RAVER2: variants seen among roughly 807,000 people sequenced by gnomAD.
The protein encoded by RAVER2 is ribonucleoprotein PTB-binding 2.
In RAVER2, 46 loss-of-function variants were observed where a neutral mutation model predicts 78.1. That is an observed-to-expected ratio of 0.59 (90% CI 0.46 to 0.75). The LOEUF is 0.75. RAVER2 is among the 30% of genes least tolerant of loss of function. The pLI is 0.00. For missense variants in RAVER2, 793 were observed against 837.5 expected (o/e 0.95, Z 0.66); for synonymous variants, 311 against 313.3 (o/e 0.99, Z 0.08).
At chr1:64,781,814 T>G (rs1035943514) in intron 4 of RAVER2, among the ~76,000 whole-genome samples, 14 of 152,182 alleles carry the variant, frequency 9.2e-5, no homozygotes, top group Non-Finnish European at 1.5e-5. Context: ...CTTGAGAAAT[T>G]TTTGAAGGAA....
chr1:64,789,418 G>A (rs774421284), exon 5 of RAVER2: 1 of 1,609,128 alleles, frequency 6.2e-7, no homozygotes, highest in South Asian at 1.1e-5. Context: ...CTTACTTCCA[G>A]AGCCAAATCC....
intron 4 of RAVER2, among the ~76,000 whole-genome samples, chr1:64,782,068 T>G (rs1388099013): frequency 1.3e-5 from 2 of 152,170 alleles, no homozygotes; most frequent in Admixed American, 1.3e-4. Context: ...CATGCCTGGC[T>G]AATTGTTGTA....
At chr1:64,745,087 C>T (rs549355701), upstream of RAVER2, 2,336 of 997,782 alleles carry the variant, frequency 2.3e-3, 51 homozygotes, top group African/African-American at 0.038. The surrounding 1 kb of genome is among the most constrained non-coding windows in gnomAD (Gnocchi z 4.3). Context: ...CTGCCCGCCT[C>T]GCCCTCGCCC....
intron 5 of RAVER2, among the ~76,000 whole-genome samples, chr1:64,793,260 T>C (rs1232236551): frequency 6.6e-6 from 1 of 152,168 alleles, no homozygotes; most frequent in African/African-American, 2.4e-5. Context: ...TTTATCATTG[T>C]GTAATTTTAA....
At chr1:64,811,516 A>G (rs1653605810) in intron 9 of RAVER2, among the ~76,000 whole-genome samples, 1 of 152,228 alleles carries the variant, frequency 6.6e-6, no homozygotes, top group African/African-American at 2.4e-5. Flanking sequence ...TGTGTACCAC[A>G]GATTGAGGTT....
At chr1:64,829,948 A>G (rs1304542931) in intron 11 of RAVER2, among the ~76,000 whole-genome samples, 1 of 152,148 alleles carries the variant, frequency 6.6e-6, no homozygotes, top group Non-Finnish European at 1.5e-5. Context: ...AGAGAGACCT[A>G]TCATCTGTTC....
At chr1:64,830,817 C>A in intron 11 of RAVER2, 22 bp from the exon 12 acceptor site, 1 of 1,556,586 alleles carries the variant, frequency 6.4e-7, no homozygotes, top group South Asian at 1.2e-5. Flanking sequence ...TTAAAACTAG[C>A]TGCAATTTTA....
chr1:64,817,037 G>A (rs978082180), intron 11 of RAVER2, among the ~76,000 whole-genome samples: 1 of 152,106 alleles, frequency 6.6e-6, no homozygotes, highest in Non-Finnish European at 1.5e-5. Context: ...AATCTACAAA[G>A]AACTCAAACA....
intron 5 of RAVER2, among the ~76,000 whole-genome samples, chr1:64,795,436 A>T (rs562405373): frequency 2.9e-4 from 44 of 152,136 alleles, no homozygotes; most frequent in Non-Finnish European, 5.9e-4. Flanking sequence ...CTTCTGATCC[A>T]TAAGTATGGT....
At position 64,803,196 on chromosome 1, in the gene RAVER2, T is replaced by C. The variant is rs566945186; in HGVS notation, c.1191+135T>C. The C allele has an allele frequency of 4.2e-5, 25 of 599,804 alleles. 1 individual carries two copies. The South Asian group carries it at 6.9e-4, about 17-fold the overall frequency. The allele number at this position is 599,804 out of a possible 1,614,324, so 37.2% of individuals were successfully genotyped here. On this transcript the variant is annotated intron_variant, in intron 6 of 11. Transcript: ENST00000294428. ...GAAAATCTTTAATAATAAGTATAGG[T>C]ATGTAAAATCATAACTTATTGAGTA...
At chr1:64,810,780 T>G (rs1653581867) in intron 9 of RAVER2, among the ~76,000 whole-genome samples, 1 of 152,200 alleles carries the variant, frequency 6.6e-6, no homozygotes, top group African/African-American at 2.4e-5. Context: ...TCATTTTTGT[T>G]GTCATTGCTC....
At chr1:64,832,428 T>G (rs1193871350) in exon 12 of RAVER2, 2 of 152,666 alleles carry the variant, frequency 1.3e-5, no homozygotes, top group African/African-American at 2.4e-5. Flanking sequence ...TGGTATTAAA[T>G]GCATGAGAAA....
chr1:64,784,213 G>T (rs1652715357), intron 4 of RAVER2, among the ~76,000 whole-genome samples: 1 of 152,092 alleles, frequency 6.6e-6, no homozygotes, highest in Non-Finnish European at 1.5e-5. Flanking sequence ...GTGAAGCCCT[G>T]TCTCTACAAA....
chr1:64,830,885 C>G (rs979927562), exon 12 of RAVER2: 11 of 1,612,644 alleles, frequency 6.8e-6, no homozygotes, highest in Non-Finnish European at 8.5e-6. Context: ...TATCTCATCT[C>G]TGCCCCAGAA....
intron 11 of RAVER2, chr1:64,815,352 A>G (rs1485702250): frequency 6.6e-6 from 1 of 152,234 alleles, no homozygotes; most frequent in Non-Finnish European, 1.5e-5. Flanking sequence ...ATGGAGAAAG[A>G]TGATCATATT....
intron 1 of RAVER2, among the ~76,000 whole-genome samples, chr1:64,768,406 G>A (rs961320939): frequency 6.6e-6 from 1 of 152,032 alleles, no homozygotes; most frequent in African/African-American, 2.4e-5. Context: ...AGTAGAAAGA[G>A]AACAGTGCAT....
intron 1 of RAVER2, among the ~76,000 whole-genome samples, chr1:64,758,056 G>T (rs1205891696): frequency 6.6e-6 from 1 of 152,116 alleles, no homozygotes; most frequent in African/African-American, 2.4e-5. Context: ...TTCTCTAGTA[G>T]CTGGAAGGCA....
intron 11 of RAVER2, among the ~76,000 whole-genome samples, chr1:64,826,080 G>T (rs1010716749): frequency 6.6e-6 from 1 of 152,224 alleles, no homozygotes; most frequent in Non-Finnish European, 1.5e-5. Flanking sequence ...ATGACTATTT[G>T]CTGAAGGAGC....
chr1:64,792,868 C>T (rs371301333), intron 5 of RAVER2, among the ~76,000 whole-genome samples: 1 of 152,304 alleles, frequency 6.6e-6, no homozygotes, highest in East Asian at 1.9e-4. Flanking sequence ...CTGAACTCCT[C>T]ACAAAGGCCT....
Sources: gnomAD v4.1 joint callset for allele counts (sites outside exome capture counted in the v4.1 genomes callset) on GRCh38, gnomAD v4.1.1 for gene constraint, Gnocchi (gnomAD v3.1) non-coding constraint, MANE v1.5 for transcripts, NCBI Gene and HGNC (gene_info 2026-07-23, HGNC 2026-07-21) for gene names.